The following FBXO27 variants were observed in gnomAD, a reference collection of about 807,000 sequenced individuals.
FBXO27 encodes the protein F-box protein 27.
Under a neutral mutation model 28.3 loss-of-function variants are expected in FBXO27, and 28 were observed. That is an observed-to-expected ratio of 0.99 (90% CI 0.73 to 1.36). The LOEUF is 1.36. Among genes scored for constraint, FBXO27 ranks in the 40% most tolerant of loss-of-function variants. The probability of loss-of-function intolerance (pLI) is 0.00; values close to 1 mark genes in which losing one functional copy is unlikely to be tolerated. For missense variants in FBXO27, 388 were observed against 394.1 expected (o/e 0.98, Z 0.13); for synonymous variants, 175 against 167.3 (o/e 1.05, Z -0.36).
chr19:39,028,185 C>G (rs532544634), intron 4 of FBXO27, among the ~76,000 whole-genome samples: 3 of 151,732 alleles, frequency 2.0e-5, no homozygotes, highest in Non-Finnish European at 4.4e-5. Flanking sequence ...GAGCTGAGAT[C>G]GCACCATTGC....
At chr19:39,006,382 A>T (rs1289620663) in intron 2 of FBXO27, among the ~76,000 whole-genome samples, 7 of 151,790 alleles carry the variant, frequency 4.6e-5, no homozygotes, top group Non-Finnish European at 1.0e-4. Context: ...ACATGGAGAA[A>T]CCCCGTCTCT....
At chr19:39,023,990 T>C (rs1352224746), downstream of FBXO27, 3 of 152,188 alleles carry the variant, frequency 2.0e-5, no homozygotes, top group Non-Finnish European at 4.4e-5. Context: ...AGGCAGTAAC[T>C]CTGCATTTCT....
At chr19:39,013,782 G>A (rs962294961) in intron 2 of FBXO27, among the ~76,000 whole-genome samples, 6 of 152,068 alleles carry the variant, frequency 3.9e-5, no homozygotes, top group African/African-American at 1.4e-4. Context: ...GGGAGGCCAA[G>A]GCAGGCGGAT....
At chr19:39,029,473 A>G (rs2072890911) in intron 4 of FBXO27, among the ~76,000 whole-genome samples, 1 of 150,458 alleles carries the variant, frequency 6.6e-6, no homozygotes, top group Non-Finnish European at 1.5e-5. Context: ...CCAAATTTCC[A>G]ATGGCCACTT....
At chr19:39,013,899 G>C (rs2072807541) in intron 2 of FBXO27, among the ~76,000 whole-genome samples, 1 of 151,902 alleles carries the variant, frequency 6.6e-6, no homozygotes, top group South Asian at 2.1e-4. Context: ...TGTAGTCCCA[G>C]CTACTCGGGA....
At chr19:39,030,245 T>C (rs1218309089) in intron 4 of FBXO27, among the ~76,000 whole-genome samples, 8 of 152,158 alleles carry the variant, frequency 5.3e-5, no homozygotes, top group African/African-American at 1.9e-4. Flanking sequence ...AAAAAGGTGC[T>C]CACATAAAGT....
chr19:39,018,943 C>T (rs1359837424), intron 1 of FBXO27, among the ~76,000 whole-genome samples: 1 of 151,616 alleles, frequency 6.6e-6, no homozygotes, highest in Non-Finnish European at 1.5e-5. Context: ...GTGGTGGGTG[C>T]CTGTAATCCC....
chr19:39,019,229 C>T (rs867212636), downstream of FBXO27, among the ~76,000 whole-genome samples: 26 of 151,324 alleles, frequency 1.7e-4, no homozygotes, highest in Middle Eastern at 3.4e-3. Flanking sequence ...CGAGACCATC[C>T]TGGCTAACAT....
At chr19:39,019,651 C>G (rs1221291180), downstream of FBXO27, among the ~76,000 whole-genome samples, 1 of 151,958 alleles carries the variant, frequency 6.6e-6, no homozygotes, top group African/African-American at 2.4e-5. Flanking sequence ...GAGGTGGCTT[C>G]TACCAACCAA....
chr19:39,031,751 C>T, intron 2 of FBXO27, 113 bp downstream of exon 2: 2 of 1,093,214 alleles, frequency 1.8e-6, no homozygotes, highest in African/African-American at 2.5e-5. Flanking sequence ...GGTCCCACTG[C>T]GGCCCTGCCC....
In FBXO27 at chr19:39,013,512, C is replaced by G. The variant is rs185280881; in HGVS notation, c.252+875G>C. Among the ~76,000 whole-genome samples the G allele has an allele frequency of 3.3e-3, 497 of 151,946 alleles. 4 individuals carry two copies. The highest frequency in any genetic ancestry group is 0.012 in the African/African-American group (477 of 41,400). ...AGGCATGGTGGCGTATGCCTGTAATCCCAGCTACTTGGGAGGCTGAGGCAG... is the reference window on the plus strand; with the variant it reads ...AGGCATGGTGGCGTATGCCTGTAATGCCAGCTACTTGGGAGGCTGAGGCAG... On this transcript the variant is annotated intron_variant, in intron 2 of 2. Coordinates refer to the FBXO27 transcript ENST00000598394.
chr19:39,025,199 G>C lies in FBXO27; in HGVS notation c.*212C>G. The C allele has an allele frequency of 1.7e-6, 1 of 596,958 alleles. No individual in the cohort carries two copies. Among genetic ancestry groups the C allele is most frequent in the Non-Finnish European group, 2.8e-6 (1 of 359,550 alleles). 37.0% of individuals were successfully genotyped at this position (596,958 alleles called of 1,614,324 possible). On this transcript the variant is annotated 3_prime_UTR_variant, in exon 6 of 6. Transcript: ENST00000292853. ...TACAGTAGGGCCCCCCCGCAAAGCAGCAGCTGCAGTAGGTAGATAAGATGG... is the reference window on the plus strand; with the variant it reads ...TACAGTAGGGCCCCCCCGCAAAGCACCAGCTGCAGTAGGTAGATAAGATGG...
At chr19:39,008,515 T>C (rs886750541) in intron 2 of FBXO27, among the ~76,000 whole-genome samples, 3 of 152,180 alleles carry the variant, frequency 2.0e-5, no homozygotes, top group African/African-American at 7.2e-5. Context: ...TCATACAATA[T>C]ATAAATCACT....
At chr19:39,027,031 C>T in intron 4 of FBXO27, 26 bp from the exon 5 acceptor site, 2 of 1,613,128 alleles carry the variant, frequency 1.2e-6, no homozygotes, top group Non-Finnish European at 1.7e-6. Context: ...GCCATGAAGG[C>T]TGGACCTGCC....
Position 39,025,243 on chromosome 19 carries a change from G to T in FBXO27, c.*168C>A, listed in dbSNP as rs1265871498. ...AAGATGGAAGAAGCTTCTTCTGGTA[G>T]TTTCTAGAACCTGAAGACAGGGCCC... On this transcript the variant is annotated 3_prime_UTR_variant, in exon 6 of 6. Transcript: ENST00000292853. 5.7e-6 allele frequency: 5 copies of T among 871,114 alleles called. No individual in the cohort carries two copies. The highest frequency in any genetic ancestry group is 6.9e-6 in the Non-Finnish European group (4 of 582,388). 54.0% of individuals were successfully genotyped at this position (871,114 alleles called of 1,614,324 possible).
At chr19:39,015,318 CAAAAAAAAAAA>C (rs59646562) in intron 1 of FBXO27, among the ~76,000 whole-genome samples, 24 of 36,448 alleles carry the variant, frequency 6.6e-4, no homozygotes, top group African/African-American at 3.2e-3. Flanking sequence ...GACTCTGTCT[CAAAAAAAAAAA>C]AAAAAAAAAA....
intron 1 of FBXO27, among the ~76,000 whole-genome samples, chr19:39,017,017 C>T (rs1233012832): frequency 1.3e-5 from 2 of 152,032 alleles, no homozygotes; most frequent in East Asian, 1.9e-4. Context: ...CCCAGGAGGT[C>T]GAGGCTGCAG....
At chr19:39,025,840 C>A (rs1017482481) in intron 5 of FBXO27, among the ~76,000 whole-genome samples, 1 of 151,940 alleles carries the variant, frequency 6.6e-6, no homozygotes, top group Non-Finnish European at 1.5e-5. Flanking sequence ...CACGGTGAAA[C>A]CCTGTCTCTA....
Position 39,026,865 on chromosome 19 carries a change from C to T in FBXO27, c.708+5G>A. ...CCTTTCCCCAAACCCCCATAGGAGA[C>T]TCACGTGAAGGCAGGCATTGTTGTT... On this transcript the variant is annotated splice_donor_5th_base_variant and intron_variant, in intron 5 of 5. Coordinates refer to ENST00000292853, the MANE Select transcript of FBXO27 (RefSeq NM_178820.5). The T allele has an allele frequency of 6.2e-7, 1 of 1,614,134 alleles. No individual in the cohort carries two copies. Among genetic ancestry groups the T allele is most frequent in the Non-Finnish European group, 8.5e-7 (1 of 1,180,018 alleles).
Sources: allele counts gnomAD v4.1 joint callset (sites outside exome capture counted in the v4.1 genomes callset), GRCh38; gene constraint gnomAD v4.1.1; transcripts MANE v1.5; gene names NCBI Gene and HGNC (gene_info 2026-07-23, HGNC 2026-07-21).